The following SETBP1 variants were observed in gnomAD, a reference collection of about 807,000 sequenced individuals.
SETBP1 encodes SET binding protein 1, also known as SET-binding protein.
In SETBP1, 9 loss-of-function variants were observed where a neutral mutation model predicts 101.0. That is an observed-to-expected ratio of 0.09 (90% CI 0.05 to 0.16). The LOEUF is 0.16. Among genes scored for constraint, SETBP1 ranks in the 10% least tolerant of loss-of-function variants. The probability of loss-of-function intolerance (pLI) is 1.00; values close to 1 mark genes in which losing one functional copy is unlikely to be tolerated. For missense variants in SETBP1, 1,858 were observed against 2,033.8 expected, an observed-to-expected ratio of 0.91 and a Z score of 1.66; for synonymous variants, 818 against 788.5, an observed-to-expected ratio of 1.04 and a Z score of -0.63.
rs923414790 is a variant in SETBP1 at position 45,067,408 on chromosome 18, A to G, written c.*3710A>G. ...AGAAAGATTTACCTGGGAACTGTCT[A>G]AAGTCTACACACATATTTCCAAAGC... On this transcript the variant is annotated 3_prime_UTR_variant, in exon 6 of 6. Coordinates refer to ENST00000649279, the MANE Select transcript of SETBP1 (RefSeq NM_015559.3). 3.3e-5 allele frequency: 5 copies of G among 152,202 alleles called. No individual in the cohort carries two copies. The highest frequency in any genetic ancestry group is 2.1e-4 in the South Asian group (1 of 4,830). 9.4% of individuals were successfully genotyped at this position (152,202 alleles called of 1,614,324 possible). A position where few individuals can be genotyped will look rare whatever the true frequency, so the allele number is the denominator to read the frequency against.
chr18:44,770,179 G>C (rs2070843086), intron 2 of SETBP1, among the ~76,000 whole-genome samples: 1 of 152,208 alleles, frequency 6.6e-6, no homozygotes, highest in African/African-American at 2.4e-5. Flanking sequence ...TAACTGATAT[G>C]TTAATGAGAA....
chr18:44,773,832 C>CTATGTGTGTG (rs1205706277), intron 2 of SETBP1, among the ~76,000 whole-genome samples: 3 of 48,458 alleles, frequency 6.2e-5, no homozygotes, highest in Admixed American at 2.5e-4. Context: ...CTGTCTCTCT[C>CTATGTGTGTG]TGTTTATGTG....
At chr18:44,782,347 C>G (rs1249439096) in intron 2 of SETBP1, among the ~76,000 whole-genome samples, 3 of 150,610 alleles carry the variant, frequency 2.0e-5, no homozygotes, top group African/African-American at 4.9e-5. Flanking sequence ...GTATTTTTTG[C>G]TACGTAGCCA....
intron 2 of SETBP1, among the ~76,000 whole-genome samples, chr18:44,707,851 G>A (rs764282137): frequency 4.6e-5 from 7 of 152,184 alleles, no homozygotes; most frequent in Non-Finnish European, 1.0e-4. Flanking sequence ...CAGGGGTGCT[G>A]GGGAACTTGC....
In SETBP1 at chr18:44,953,025, G is replaced by T. The variant is rs1294154517; in HGVS notation, c.3685G>T (p.Asp1229Tyr). 9.3e-6 allele frequency: 15 copies of T among 1,614,016 alleles called. No homozygotes were observed. The highest frequency in any genetic ancestry group is 1.1e-5 in the Non-Finnish European group (13 of 1,180,030). Reference sequence around the variant, plus strand: ...AGCTTCTAAGAACAACTTTGAGGTGGACACCCTGTCTACACTGTCACTTTC... The same window carrying T: ...AGCTTCTAAGAACAACTTTGAGGTGTACACCCTGTCTACACTGTCACTTTC... ...HKASKNNFEV[D>Y]TLSTLSLSDA... Residue 1229 changes from aspartate (D) to tyrosine (Y), a missense_variant, in exon 4 of 6, where the codon GAC becomes TAC. Transcript: ENST00000649279.
At chr18:44,876,108 T>C (rs977870789) in intron 3 of SETBP1, among the ~76,000 whole-genome samples, 1 of 152,216 alleles carries the variant, frequency 6.6e-6, no homozygotes, top group Non-Finnish European at 1.5e-5. Context: ...TAGTTTCTTA[T>C]TGTTCTCATT....
intron 4 of SETBP1, among the ~76,000 whole-genome samples, chr18:45,035,971 G>C (rs2073388161): frequency 6.6e-6 from 1 of 152,184 alleles, no homozygotes; most frequent in Non-Finnish European, 1.5e-5. Flanking sequence ...TCCAAACTGT[G>C]TTTGTTTTCT....
intron 3 of SETBP1, among the ~76,000 whole-genome samples, chr18:44,938,514 T>C (rs1478700258): frequency 2.6e-5 from 4 of 152,228 alleles, no homozygotes; most frequent in Non-Finnish European, 4.4e-5. Flanking sequence ...CAGCTGCTTA[T>C]CTCTCCAGAT....
intron 2 of SETBP1, among the ~76,000 whole-genome samples, chr18:44,803,078 G>A (rs1248878560): frequency 6.6e-6 from 1 of 152,058 alleles, no homozygotes; most frequent in Non-Finnish European, 1.5e-5. Flanking sequence ...AGAAGGTCTC[G>A]GGAGAGAACA....
At chr18:44,756,086 A>G (rs181155357) in intron 2 of SETBP1, among the ~76,000 whole-genome samples, 2 of 152,110 alleles carry the variant, frequency 1.3e-5, no homozygotes, top group Admixed American at 1.3e-4. Context: ...CTGTGGTGGC[A>G]CATGCCTGCA....
At chr18:44,844,258 C>T (rs1332713814) in intron 2 of SETBP1, among the ~76,000 whole-genome samples, 5 of 152,056 alleles carry the variant, frequency 3.3e-5, no homozygotes, top group Non-Finnish European at 5.9e-5. Context: ...CAGCCCCCTT[C>T]CCCCATATAA....
intron 4 of SETBP1, among the ~76,000 whole-genome samples, chr18:44,989,436 G>A (rs2072307754): frequency 6.6e-6 from 1 of 152,026 alleles, no homozygotes; most frequent in Non-Finnish European, 1.5e-5. Context: ...AGAAACAAAG[G>A]TTAAGAGAAT....
At chr18:44,766,990 A>C (rs1471219642) in intron 2 of SETBP1, among the ~76,000 whole-genome samples, 1 of 152,230 alleles carries the variant, frequency 6.6e-6, no homozygotes, top group Non-Finnish European at 1.5e-5. Flanking sequence ...GTAAGACCCC[A>C]TGAAGGTCTG....
intron 2 of SETBP1, among the ~76,000 whole-genome samples, chr18:44,754,375 T>C (rs2070448875): frequency 1.3e-5 from 2 of 152,222 alleles, no homozygotes; most frequent in South Asian, 4.1e-4. Context: ...ACCTCAGTAG[T>C]TTCATTAATG....
intron 5 of SETBP1, among the ~76,000 whole-genome samples, chr18:45,041,054 T>C (rs943946130): frequency 2.6e-5 from 4 of 152,210 alleles, no homozygotes; most frequent in Non-Finnish European, 2.9e-5. Flanking sequence ...CTGTTTTACA[T>C]GTGAAGAAAC....
intron 2 of SETBP1, among the ~76,000 whole-genome samples, chr18:44,836,100 T>C (rs538318042): frequency 6.9e-6 from 1 of 145,136 alleles, no homozygotes; most frequent in Non-Finnish European, 1.5e-5. Flanking sequence ...AGAAACATCA[T>C]TTCCTTACTC....
chr18:44,817,690 A>C (rs867662228), intron 2 of SETBP1, among the ~76,000 whole-genome samples: 13 of 151,624 alleles, frequency 8.6e-5, no homozygotes, highest in Non-Finnish European at 1.5e-4. Context: ...ATCTCAAAAA[A>C]AAAAAAAGAA....
intron 5 of SETBP1, among the ~76,000 whole-genome samples, chr18:45,043,204 T>TC (rs2073543268): frequency 6.6e-6 from 1 of 152,302 alleles, no homozygotes; most frequent in African/African-American, 2.4e-5. Flanking sequence ...ACATGTTTTT[T>TC]CCCCTTATAT....
chr18:44,873,126 C>A (rs2069316905), intron 3 of SETBP1, among the ~76,000 whole-genome samples: 1 of 152,146 alleles, frequency 6.6e-6, no homozygotes, highest in Non-Finnish European at 1.5e-5. Flanking sequence ...TGTTTTAGTG[C>A]AGAGAAAACA....
Sources: allele counts gnomAD v4.1 joint callset (sites outside exome capture counted in the v4.1 genomes callset), GRCh38; gene constraint gnomAD v4.1.1; transcripts MANE v1.5; gene names NCBI Gene and HGNC (gene_info 2026-07-23, HGNC 2026-07-21).